MIPOL1: variants seen among roughly 807,000 people sequenced by gnomAD.
MIPOL1 encodes mirror-image polydactyly 1.
A neutral mutation model predicts 60.9 loss-of-function variants in MIPOL1; 57 were observed. The ratio of observed to expected loss-of-function variants is 0.94; its 90% CI spans 0.76 to 1.17. MIPOL1 has a LOEUF of 1.17. Ranked by LOEUF, MIPOL1 falls within the 50% of genes most tolerant of loss-of-function variation. The probability of loss-of-function intolerance (pLI) is 0.00; values close to 1 mark genes in which losing one functional copy is unlikely to be tolerated. For missense variants in MIPOL1, 551 were observed against 511.6 expected (o/e 1.08, Z -0.74); for synonymous variants, 179 against 168.8 (o/e 1.06, Z -0.47).
intron 6 of MIPOL1, among the ~76,000 whole-genome samples, chr14:37,273,697 GT>G (rs1391471741): frequency 2.0e-5 from 3 of 151,370 alleles, no homozygotes; most frequent in African/African-American, 7.3e-5. Context: ...AATCCTTAGA[GT>G]CACATTGATC....
At chr14:37,326,691 A>C (rs1214989459) in intron 9 of MIPOL1, among the ~76,000 whole-genome samples, 2 of 152,158 alleles carry the variant, frequency 1.3e-5, no homozygotes, top group Non-Finnish European at 2.9e-5. Flanking sequence ...CAGAACTTCC[A>C]TGCCTGCTAT....
chr14:37,335,856 G>A (rs34236737), intron 9 of MIPOL1, among the ~76,000 whole-genome samples: 33,262 of 151,880 alleles, frequency 0.22, 4,115 homozygotes, highest in South Asian at 0.36. Context: ...TCCATGAATT[G>A]TCTTCTCACT....
chr14:37,257,268 A>T (rs1282085740), intron 3 of MIPOL1, among the ~76,000 whole-genome samples: 1 of 152,026 alleles, frequency 6.6e-6, no homozygotes, highest in East Asian at 1.9e-4. Context: ...GATAAACAGA[A>T]TATTTACCCA....
In MIPOL1 at chr14:37,449,335, A is replaced by G. The variant is rs139376785; in HGVS notation, c.1031+26386A>G. ...AAAACCTACATACACTCAGATTATA[A>G]GTAATTATATTTATGAGTATAAACA... On this transcript the variant is annotated intron_variant, in intron 11 of 12. Coordinates refer to ENST00000684589, the MANE Select transcript of MIPOL1 (RefSeq NM_001388067.1). Among the ~76,000 whole-genome samples, 210 of 152,340 alleles carry G rather than the reference A, an allele frequency of 1.4e-3. 4 individuals carry two copies. The highest frequency in any genetic ancestry group is 4.8e-3 in the African/African-American group (199 of 41,574).
At chr14:37,383,738 G>T (rs2092990131) in intron 10 of MIPOL1, among the ~76,000 whole-genome samples, 1 of 151,888 alleles carries the variant, frequency 6.6e-6, no homozygotes. Context: ...AATAAATTCT[G>T]CTGTGTTAAT....
At chr14:37,295,957 A>G (rs1317251021) in intron 7 of MIPOL1, among the ~76,000 whole-genome samples, 2 of 152,220 alleles carry the variant, frequency 1.3e-5, no homozygotes, top group Non-Finnish European at 1.5e-5. Context: ...AGCAGACCTA[A>G]TAGACATCTA....
At chr14:37,503,562 T>C (rs2095245436) in intron 12 of MIPOL1, 1 of 151,976 alleles carries the variant, frequency 6.6e-6, no homozygotes, top group Admixed American at 6.6e-5. Flanking sequence ...TGTTGAGAGA[T>C]TTTGTCACCA....
intron 11 of MIPOL1, among the ~76,000 whole-genome samples, chr14:37,468,898 A>G (rs569316704): frequency 2.0e-5 from 3 of 152,320 alleles, no homozygotes; most frequent in African/African-American, 4.8e-5. Context: ...AAGGTTATTC[A>G]TCCTGACTGG....
intron 6 of MIPOL1, among the ~76,000 whole-genome samples, chr14:37,275,139 T>G (rs927958549): frequency 2.0e-5 from 3 of 151,228 alleles, no homozygotes; most frequent in Non-Finnish European, 3.0e-5. Context: ...AAAAAAAAGT[T>G]AAAATGTGTA....
intron 12 of MIPOL1, chr14:37,502,590 C>A (rs1162480075): frequency 6.6e-6 from 1 of 152,222 alleles, no homozygotes; most frequent in South Asian, 2.1e-4. Context: ...GCAAAAAGCA[C>A]ATCCACACCA....
intron 11 of MIPOL1, among the ~76,000 whole-genome samples, chr14:37,447,735 T>G (rs1282238733): frequency 6.6e-6 from 1 of 152,198 alleles, no homozygotes; most frequent in Non-Finnish European, 1.5e-5. Context: ...ATTTGCATTT[T>G]ACTCCCACTG....
At chr14:37,408,440 G>A (rs938833947) in intron 10 of MIPOL1, among the ~76,000 whole-genome samples, 2 of 152,014 alleles carry the variant, frequency 1.3e-5, no homozygotes, top group African/African-American at 4.8e-5. Context: ...GACCAGCCTG[G>A]CCAACATGGT....
chr14:37,333,427 G>A (rs1427641285), intron 9 of MIPOL1, among the ~76,000 whole-genome samples: 2 of 152,016 alleles, frequency 1.3e-5, no homozygotes, highest in African/African-American at 2.4e-5. Context: ...AGGACCAACT[G>A]TACTCCAATT....
rs773063393 is a variant in MIPOL1, at chr14:37,308,335, A to T, written c.658-14A>T. ...AAAACTTCATGTCTGACTAACATAT[A>T]ATGGTGTTGGTAGACATTACAGGAA... On this transcript the variant is annotated splice_polypyrimidine_tract_variant and intron_variant, in intron 8 of 12. Coordinates refer to ENST00000684589, the MANE Select transcript of MIPOL1 (RefSeq NM_001388067.1). The T allele has an allele frequency of 6.6e-7, 1 of 1,514,594 alleles. No individual in the cohort carries two copies. Among genetic ancestry groups the T allele is most frequent in the Non-Finnish European group, 8.8e-7 (1 of 1,136,678 alleles). 93.8% of individuals were successfully genotyped at this position (1,514,594 alleles called of 1,614,324 possible).
chr14:37,526,943 G>A (rs2095451558), intron 12 of MIPOL1, among the ~76,000 whole-genome samples: 1 of 152,110 alleles, frequency 6.6e-6, no homozygotes, highest in Non-Finnish European at 1.5e-5. Context: ...TATTGAGTAA[G>A]TTGTTAGCCT....
intron 6 of MIPOL1, among the ~76,000 whole-genome samples, chr14:37,274,813 T>C (rs1443401238): frequency 6.6e-6 from 1 of 151,278 alleles, no homozygotes; most frequent in African/African-American, 2.4e-5. Context: ...ATAATAATTA[T>C]GATGATAAGA....
At chr14:37,407,894 G>A (rs2093619057) in intron 10 of MIPOL1, among the ~76,000 whole-genome samples, 1 of 113,996 alleles carries the variant, frequency 8.8e-6, no homozygotes, top group South Asian at 3.1e-4. Context: ...CTGTCACTCA[G>A]GCTGGAGTAC....
intron 11 of MIPOL1, among the ~76,000 whole-genome samples, chr14:37,465,840 T>A (rs868270029): frequency 1.3e-5 from 2 of 152,198 alleles, no homozygotes; most frequent in African/African-American, 4.8e-5. Context: ...CTGTAAGCAT[T>A]AAATTAGTGT....
intron 1 of MIPOL1, among the ~76,000 whole-genome samples, chr14:37,224,363 C>T (rs1286619960): frequency 6.6e-6 from 1 of 152,038 alleles, no homozygotes; most frequent in Non-Finnish European, 1.5e-5. Context: ...TTTCATGCTG[C>T]TGATAAAGAC....
Sources: allele counts gnomAD v4.1 joint callset (sites outside exome capture counted in the v4.1 genomes callset), GRCh38; gene constraint gnomAD v4.1.1; transcripts MANE v1.5; gene names NCBI Gene and HGNC (gene_info 2026-07-23, HGNC 2026-07-21).